The following TTLL11 variants were observed in gnomAD, a reference collection of about 807,000 sequenced individuals.
TTLL11 encodes the protein tubulin tyrosine ligase like 11.
A neutral mutation model predicts 51.7 loss-of-function variants in TTLL11; 42 were observed. The ratio of observed to expected loss-of-function variants is 0.81; its 90% confidence interval spans 0.64 to 1.05. The LOEUF (loss-of-function observed/expected upper bound fraction) is 1.05. TTLL11 is among the 50% of genes least tolerant of loss of function. The pLI, the probability that TTLL11 is intolerant of heterozygous loss-of-function variation, is 0.00. For missense variants in TTLL11, 799 were observed against 940.4 expected (o/e 0.85, Z 1.97); for synonymous variants, 381 against 383.5 (o/e 0.99, Z 0.08).
In TTLL11 at chr9:121,882,372, C is replaced by G. The variant is rs572517981; in HGVS notation, c.1482-11624G>C. On this transcript the variant is annotated intron_variant, in intron 6 of 8. Transcript: ENST00000321582. Reference sequence around the variant, plus strand: ...GGCCGCAGCACGAGAACACTGGCTTCTGCCTCCACTGCCCACATACTGTTC... The same window carrying G: ...GGCCGCAGCACGAGAACACTGGCTTGTGCCTCCACTGCCCACATACTGTTC... 3.1e-3 allele frequency among the ~76,000 whole-genome samples: 478 copies of G among 152,300 alleles called. 3 individuals carry two copies. The highest frequency in any genetic ancestry group is 9.5e-3 in the Admixed American group (145 of 15,306).
intron 3 of TTLL11, among the ~76,000 whole-genome samples, chr9:122,018,109 CTTTTTTTTT>C (rs386416144): frequency 8.2e-6 from 1 of 121,572 alleles, no homozygotes; most frequent in Non-Finnish European, 1.7e-5. Flanking sequence ...AATAATGCCA[CTTTTTTTTT>C]TTTTTTTTTT....
chr9:121,843,801 T>TA (rs1475247715), intron 8 of TTLL11, among the ~76,000 whole-genome samples: 4 of 152,102 alleles, frequency 2.6e-5, no homozygotes, highest in Non-Finnish European at 4.4e-5. Context: ...GCCTCCCAAG[T>TA]AGCTGGGACT....
chr9:121,906,136 G>A (rs1407160178), intron 6 of TTLL11, among the ~76,000 whole-genome samples: 1 of 152,134 alleles, frequency 6.6e-6, no homozygotes, highest in East Asian at 1.9e-4. Context: ...CAAATGACCT[G>A]CAATCACTTT....
At chr9:122,017,279 G>A (rs1564359687) in intron 3 of TTLL11, among the ~76,000 whole-genome samples, 3 of 152,064 alleles carry the variant, frequency 2.0e-5, no homozygotes, top group East Asian at 3.9e-4. Flanking sequence ...AAAGCCCCGT[G>A]TTTGGCTTTC....
intron 8 of TTLL11, among the ~76,000 whole-genome samples, chr9:121,859,089 T>C (rs563551489): frequency 5.3e-5 from 8 of 151,548 alleles, no homozygotes; most frequent in Admixed American, 4.6e-4. Context: ...TAATGCCTAC[T>C]GCACTGGTTT....
At position 122,013,465 on chromosome 9, in the gene TTLL11, G is replaced by C. The variant is rs147458936; in HGVS notation, c.693+18258C>G. ...TTGTGCAGTGAAGAAGAGGAGGAAG[G>C]GTCTCCCAACAGAGGAAATGGCGGC... is the stretch of plus-strand genomic sequence containing the variant. On this transcript the variant is annotated intron_variant, in intron 3 of 8. Transcript: ENST00000321582. Among the ~76,000 whole-genome samples, 359 of 152,230 alleles carry C rather than the reference G, an allele frequency of 2.4e-3. 1 individual carries two copies. The highest frequency in any genetic ancestry group is 5.4e-3 in the Admixed American group (82 of 15,284).
At chr9:121,953,632 CAAAAAA>C (rs57176138) in intron 6 of TTLL11, among the ~76,000 whole-genome samples, 2 of 70,952 alleles carry the variant, frequency 2.8e-5, no homozygotes, top group Non-Finnish European at 5.5e-5. Flanking sequence ...GATGCCGCCT[CAAAAAA>C]AAAAAAAAAA....
At chr9:121,911,441 T>C (rs1840113316) in intron 6 of TTLL11, among the ~76,000 whole-genome samples, 1 of 152,156 alleles carries the variant, frequency 6.6e-6, no homozygotes, top group Non-Finnish European at 1.5e-5. Flanking sequence ...ACTGGGTATA[T>C]ACCCTAAGGA....
chr9:121,959,412 G>A (rs922443035), intron 6 of TTLL11, among the ~76,000 whole-genome samples: 9 of 152,098 alleles, frequency 5.9e-5, no homozygotes, highest in Non-Finnish European at 1.2e-4. Context: ...GAAGTCTCAC[G>A]ACCCTTCATC....
chr9:121,974,072 T>C lies in TTLL11; in HGVS notation c.1418A>G (p.Lys473Arg). ...NVPSLVDEEV[K>R]VAVIRDTLRL... ...CAGAGTGTCTCTGATCACAGCCACT[T>C]TCACTTCTTCATCAACGAGGCTGGG... The change falls in exon 6 of 9, where the codon AAA (lysine) becomes AGA (arginine). Residue 473 changes from lysine (K) to arginine (R), a missense_variant. Coordinates refer to ENST00000321582, the MANE Select transcript of TTLL11 (RefSeq NM_001139442.2). 6.4e-7 allele frequency: 1 copy of C among 1,551,740 alleles called. No homozygotes were observed. The highest frequency in any genetic ancestry group is 8.7e-7 in the Non-Finnish European group (1 of 1,146,986).
At chr9:121,973,620 CATTAGGAG>C (rs1842628702) in intron 6 of TTLL11, among the ~76,000 whole-genome samples, 1 of 152,014 alleles carries the variant, frequency 6.6e-6, no homozygotes, top group Non-Finnish European at 1.5e-5. Context: ...GGAAGGACAG[CATTAGGAG>C]ATATACCTAA....
In TTLL11 at chr9:121,890,560, C is replaced by G. The variant is rs1390226452; in HGVS notation, c.1482-19812G>C. ...CCACAATCTTCCCAGCCCTCCAGAG[C>G]TCTCCCTGCTTCATTTTCTCCATAG... On this transcript the variant is annotated intron_variant, in intron 6 of 8. Coordinates refer to ENST00000321582, the MANE Select transcript of TTLL11 (RefSeq NM_001139442.2). This position sits in a 1 kb window ranked among gnomAD's most constrained non-coding sequence, Gnocchi z 4.3. 6.6e-6 allele frequency among the ~76,000 whole-genome samples: 1 copy of G among 152,208 alleles called. No individual in the cohort carries two copies. The highest frequency in any genetic ancestry group is 1.5e-5 in the Non-Finnish European group (1 of 68,050).
chr9:121,982,027 C>T (rs973813484), intron 4 of TTLL11, among the ~76,000 whole-genome samples: 1 of 152,216 alleles, frequency 6.6e-6, no homozygotes, highest in South Asian at 2.1e-4. Context: ...TTCTGGAGCT[C>T]TTTTCCTGCT....
At chr9:121,925,444 G>A (rs1286863005) in intron 6 of TTLL11, among the ~76,000 whole-genome samples, 3 of 110,272 alleles carry the variant, frequency 2.7e-5, no homozygotes, top group Non-Finnish European at 3.8e-5. Flanking sequence ...CCCACCCCGG[G>A]ACCATCCTCC....
intron 1 of TTLL11, among the ~76,000 whole-genome samples, chr9:122,048,653 C>T (rs1280510095): frequency 1.3e-5 from 2 of 152,216 alleles, no homozygotes; most frequent in African/African-American, 4.8e-5. Flanking sequence ...GGCACTTGCA[C>T]TGTCACTGTG....
chr9:121,877,201 G>A (rs1038846912), intron 6 of TTLL11, among the ~76,000 whole-genome samples: 2 of 152,202 alleles, frequency 1.3e-5, no homozygotes, highest in Non-Finnish European at 2.9e-5. Flanking sequence ...CACATGTATC[G>A]TGTTGGCATT....
intron 2 of TTLL11, among the ~76,000 whole-genome samples, chr9:122,039,037 C>T (rs1426583068): frequency 1.3e-5 from 2 of 152,046 alleles, no homozygotes; most frequent in Admixed American, 6.5e-5. Context: ...TATGCATAAC[C>T]CAAAAAGTGG....
chr9:121,989,390 G>C lies in TTLL11; in HGVS notation c.1074C>G (p.Asp358Glu), dbSNP rs1446597106. ...TCCTTTTGCTGCCAGTGCTAGCACT[G>C]TCCGAGTGGATGAAGTTGCCGCTGT... ...NIHSGNFIHS[D>E]SASTGSKRTF... Residue 358 changes from aspartate (D) to glutamate (E), a missense_variant, in exon 4 of 9, where the codon GAC becomes GAG. Physicochemically the swap from Asp to Glu is conservative, Grantham distance 45 (BLOSUM62 2). Coordinates refer to ENST00000321582, the MANE Select transcript of TTLL11 (RefSeq NM_001139442.2). The surrounding 1 kb of genome is among the most constrained non-coding windows in gnomAD (Gnocchi z 4.2). The C allele has an allele frequency of 6.2e-7, 1 of 1,614,062 alleles. No individual in the cohort carries two copies. Among genetic ancestry groups the C allele is most frequent in the African/African-American group, 1.3e-5 (1 of 74,914 alleles).
intron 2 of TTLL11, among the ~76,000 whole-genome samples, chr9:122,037,237 A>G (rs1844728090): frequency 1.3e-5 from 2 of 152,176 alleles, no homozygotes; most frequent in Non-Finnish European, 2.9e-5. Context: ...TTCTCCCAAT[A>G]TCCTAATAAG....
Sources: gnomAD v4.1 joint callset for allele counts (sites outside exome capture counted in the v4.1 genomes callset) on GRCh38, gnomAD v4.1.1 for gene constraint, Gnocchi (gnomAD v3.1) non-coding constraint, MANE v1.5 for transcripts, NCBI Gene and HGNC (gene_info 2026-07-23, HGNC 2026-07-21) for gene names.